The following EPS8 variants were observed in gnomAD, a reference collection of about 807,000 sequenced individuals.
The protein encoded by EPS8 is epidermal growth factor receptor kinase substrate 8.
A neutral mutation model predicts 103.8 loss-of-function variants in EPS8; 42 were observed. The ratio of observed to expected loss-of-function variants is 0.40; its 90% CI spans 0.32 to 0.52. The LOEUF is 0.52. Among genes scored for constraint, EPS8 ranks in the 20% least tolerant of loss-of-function variants. The pLI, the probability that EPS8 is intolerant of heterozygous loss-of-function variation, is 0.40. For synonymous variants in EPS8, 344 were observed against 344.6 expected, an observed-to-expected ratio of 1.00 and a Z score of 0.02; for missense variants, 969 against 1,005.1, an observed-to-expected ratio of 0.96 and a Z score of 0.49.
Position 15,621,398 on chromosome 12 carries a change from A to G in EPS8, c.2388T>C (p.Ile796=). The G allele has an allele frequency of 6.2e-7, 1 of 1,604,638 alleles. No individual in the cohort carries two copies. Among genetic ancestry groups the G allele is most frequent in the Non-Finnish European group, 8.5e-7 (1 of 1,176,002 alleles). The change falls in exon 21 of 21, where the codon ATT becomes ATC. Residue 796 remains isoleucine, a synonymous_variant. Transcript: ENST00000281172. ...TGATTTTTTCCTGTCGTCTTCTCATAATTTCTTGTAACTCGGAGCTGCCAC... is the reference window on the plus strand; with the variant it reads ...TGATTTTTTCCTGTCGTCTTCTCATGATTTCTTGTAACTCGGAGCTGCCAC... ...DSSGSSELQE[I]MRRRQEKISA...
intron 20 of EPS8, 70 bp downstream of exon 20, chr12:15,623,088 T>G: frequency 6.8e-7 from 1 of 1,461,846 alleles, no homozygotes; most frequent in Non-Finnish European, 9.2e-7. Context: ...TTGGCCAATA[T>G]GGACATAAAT....
rs527356078 is a variant in EPS8 at position 15,777,788 on chromosome 12, G to A, written c.-22+11373C>T. On this transcript the variant is annotated intron_variant, in intron 1 of 20. Transcript: ENST00000281172. This position sits in a 1 kb window ranked among gnomAD's most constrained non-coding sequence, Gnocchi z 4.7. ...GGGAGGAGGAAAAGAGTTGGGAAAG[G>A]GGGTGATGAAGGAAAGCCCACATGG... Among the ~76,000 whole-genome samples the A allele has an allele frequency of 6.6e-6, 1 of 152,172 alleles. No individual in the cohort carries two copies. The highest frequency in any genetic ancestry group is 2.4e-5 in the African/African-American group (1 of 41,448).
chr12:15,666,340 A>G (rs1945709404), intron 7 of EPS8, 100 bp downstream of exon 7: 1 of 847,144 alleles, frequency 1.2e-6, no homozygotes, highest in South Asian at 1.6e-5. Flanking sequence ...TATACAATAC[A>G]ATAATATACT....
chr12:15,659,600 A>G (rs1052029385), intron 10 of EPS8, among the ~76,000 whole-genome samples: 9 of 152,206 alleles, frequency 5.9e-5, no homozygotes, highest in Admixed American at 1.3e-4. Context: ...AAGCACATCC[A>G]TGTATTCACA....
In EPS8 at chr12:15,733,158, T is replaced by C. The variant is rs555940231; in HGVS notation, c.-21-50186A>G. ...ATACTACACAAGATTGGGTAATTTA[T>C]AAAGGAAAGAGGTTTAATTGACTCA... On this transcript the variant is annotated intron_variant, in intron 1 of 20. Coordinates refer to ENST00000281172, the MANE Select transcript of EPS8 (RefSeq NM_004447.6). This position sits in a 1 kb window ranked among gnomAD's most constrained non-coding sequence, Gnocchi z 4.8. Among the ~76,000 whole-genome samples the C allele has an allele frequency of 1.3e-5, 2 of 152,226 alleles. No individual in the cohort carries two copies. Among genetic ancestry groups the C allele is most frequent in the South Asian group, 2.1e-4 (1 of 4,824 alleles).
intron 12 of EPS8, among the ~76,000 whole-genome samples, chr12:15,657,200 A>C (rs1436811218): frequency 6.6e-6 from 1 of 152,154 alleles, no homozygotes; most frequent in Non-Finnish European, 1.5e-5. Flanking sequence ...CATGCTTTGC[A>C]TGTTATCACC....
In EPS8 at chr12:15,751,808, C is replaced by T. The variant is rs966020510; in HGVS notation, c.-22+37353G>A. ...TCTACTTACACCATAGCTCAGACAA[C>T]ATGTTAGACGTTAACTAGACTTCTG... On this transcript the variant is annotated intron_variant, in intron 1 of 20. Coordinates refer to ENST00000281172, the MANE Select transcript of EPS8 (RefSeq NM_004447.6). This position sits in a 1 kb window ranked among gnomAD's most constrained non-coding sequence, Gnocchi z 4.3. 6.6e-6 allele frequency among the ~76,000 whole-genome samples: 1 copy of T among 152,022 alleles called. No homozygotes were observed. The highest frequency in any genetic ancestry group is 2.1e-4 in the South Asian group (1 of 4,814).
At chr12:15,742,870 C>T (rs1460586393) in intron 1 of EPS8, among the ~76,000 whole-genome samples, 1 of 152,196 alleles carries the variant, frequency 6.6e-6, no homozygotes, top group Non-Finnish European at 1.5e-5. Context: ...GATGCCCTCT[C>T]TCACCACTCC....
rs1429586252 is a variant in EPS8 at position 15,704,399 on chromosome 12, G to T, written c.-21-21427C>A. 6.6e-6 allele frequency among the ~76,000 whole-genome samples: 1 copy of T among 152,082 alleles called. No individual in the cohort carries two copies. Among genetic ancestry groups the T allele is most frequent in the African/African-American group, 2.4e-5 (1 of 41,404 alleles). ...AAGGGAATTATTTATCCTTTAAAAGGAAACAGACATCTCTCATACATACTA... is the reference window on the plus strand; with the variant it reads ...AAGGGAATTATTTATCCTTTAAAAGTAAACAGACATCTCTCATACATACTA... On this transcript the variant is annotated intron_variant, in intron 1 of 20. Coordinates refer to ENST00000281172, the MANE Select transcript of EPS8 (RefSeq NM_004447.6). This position sits in a 1 kb window ranked among gnomAD's most constrained non-coding sequence, Gnocchi z 4.6.
rs1053978999 is a variant in EPS8 at position 15,779,198 on chromosome 12, G to A, written c.-22+9963C>T. On this transcript the variant is annotated intron_variant, in intron 1 of 20. Coordinates refer to ENST00000281172, the MANE Select transcript of EPS8 (RefSeq NM_004447.6). This position sits in a 1 kb window ranked among gnomAD's most constrained non-coding sequence, Gnocchi z 4.3. ...TCTCTATGTTTGTCAGGCTGGTCTC[G>A]AACTCCCAAACTCAGGTGATCCGCC... 1.3e-5 allele frequency among the ~76,000 whole-genome samples: 2 copies of A among 152,066 alleles called. No individual in the cohort carries two copies. The highest frequency in any genetic ancestry group is 1.9e-4 in the East Asian group (1 of 5,182).
At chr12:15,634,720 G>A (rs1945106756) in intron 17 of EPS8, 3 of 398,724 alleles carry the variant, frequency 7.5e-6, no homozygotes, top group Non-Finnish European at 8.9e-6. Context: ...AGTGCCATGA[G>A]GGAACGAATG....
At chr12:15,636,795 T>C (rs1382897761) in intron 17 of EPS8, among the ~76,000 whole-genome samples, 3 of 152,240 alleles carry the variant, frequency 2.0e-5, no homozygotes, top group Non-Finnish European at 2.9e-5. Context: ...GTAAATCATA[T>C]AATTTGGGTT....
chr12:15,644,285 T>G (rs915394142), intron 15 of EPS8, among the ~76,000 whole-genome samples: 1 of 152,212 alleles, frequency 6.6e-6, no homozygotes, highest in African/African-American at 2.4e-5. Context: ...TCACTTTCCT[T>G]TTTTTGTCTA....
intron 12 of EPS8, among the ~76,000 whole-genome samples, chr12:15,656,177 C>T (rs970278084): frequency 7.2e-5 from 11 of 152,032 alleles, no homozygotes; most frequent in Non-Finnish European, 1.6e-4. Context: ...TAAGAGGAGG[C>T]AGCAAAAACT....
At chr12:15,659,254 C>T (rs4764219) in intron 10 of EPS8, among the ~76,000 whole-genome samples, 120,726 of 152,058 alleles carry the variant, frequency 0.79, 53,331 homozygotes, top group Non-Finnish European at 0.97. Context: ...GCGTGCTTTA[C>T]AGCAGAAGAA....
intron 17 of EPS8, among the ~76,000 whole-genome samples, chr12:15,639,900 T>C (rs564736431): frequency 3.9e-5 from 6 of 152,244 alleles, no homozygotes; most frequent in Non-Finnish European, 8.8e-5. Flanking sequence ...AAGAGTTCTT[T>C]CTGGGGGAAT....
intron 1 of EPS8, among the ~76,000 whole-genome samples, chr12:15,786,998 T>C (rs1161313970): frequency 1.3e-5 from 2 of 152,168 alleles, no homozygotes; most frequent in Non-Finnish European, 1.5e-5. Flanking sequence ...AACTACCAAG[T>C]ATGTTTCACA....
rs550101309 is a variant in EPS8 at position 15,634,918 on chromosome 12, G to A, written c.1822-3254C>T. 1.3e-4 allele frequency among the ~76,000 whole-genome samples: 20 copies of A among 152,302 alleles called. 1 individual carries two copies. The highest frequency in any genetic ancestry group is 1.2e-3 in the Admixed American group (19 of 15,302). ...CCACAATCAACCAGTGAAGGAGCCT[G>A]TAAATCTATAATTAATTCCCATCAC... is the stretch of plus-strand genomic sequence containing the variant. On this transcript the variant is annotated intron_variant, in intron 17 of 20. Transcript: ENST00000281172.
chr12:15,726,754 C>G (rs1054785108), intron 1 of EPS8, among the ~76,000 whole-genome samples: 1 of 152,114 alleles, frequency 6.6e-6, no homozygotes, highest in Non-Finnish European at 1.5e-5. Flanking sequence ...TCCTGCTTTG[C>G]CTCCTGAAAG....
Sources: gnomAD v4.1 joint callset for allele counts (sites outside exome capture counted in the v4.1 genomes callset) on GRCh38, gnomAD v4.1.1 for gene constraint, Gnocchi (gnomAD v3.1) non-coding constraint, MANE v1.5 for transcripts, NCBI Gene and HGNC (gene_info 2026-07-23, HGNC 2026-07-21) for gene names.